Variants in CRB1 observed in about 807,000 individuals in gnomAD.
CRB1 encodes protein crumbs homolog 1.
Under a neutral mutation model 120.0 loss-of-function variants are expected in CRB1, and 83 were observed. That is an observed-to-expected ratio of 0.69 (90% CI 0.58 to 0.83). The LOEUF (loss-of-function observed/expected upper bound fraction) is 0.83, where lower values mean the gene tolerates loss of function less well. CRB1 is among the 40% of genes least tolerant of loss of function. The pLI is 0.00. For synonymous variants in CRB1, 625 were observed against 612.5 expected (o/e 1.02, Z -0.30); for missense variants, 1,699 against 1,687.6 (o/e 1.01, Z -0.12).
intron 6 of CRB1, among the ~76,000 whole-genome samples, chr1:197,422,593 G>A (rs999294762): frequency 2.0e-5 from 3 of 151,842 alleles, no homozygotes; most frequent in African/African-American, 7.3e-5. Flanking sequence ...AGTAGAACTT[G>A]GTAGATGCCA....
intron 1 of CRB1, among the ~76,000 whole-genome samples, chr1:197,294,048 C>A (rs1656363460): frequency 6.6e-6 from 1 of 152,032 alleles, no homozygotes. Context: ...GCAACAAAAG[C>A]CAAAATTGAC....
chr1:197,376,831 T>C (rs188237560), intron 5 of CRB1, among the ~76,000 whole-genome samples: 121 of 152,292 alleles, frequency 7.9e-4, no homozygotes, highest in African/African-American at 2.7e-3. Flanking sequence ...AAACTTGTAC[T>C]CCTTAACATA....
the CRB1 span, among the ~76,000 whole-genome samples, chr1:197,247,046 C>A: frequency 6.6e-6 from 1 of 151,964 alleles, no homozygotes; most frequent in Non-Finnish European, 1.5e-5. Context: ...ATAAGTAAAT[C>A]CTCATACTGT....
intron 5 of CRB1, among the ~76,000 whole-genome samples, chr1:197,359,256 C>A (rs921134458): frequency 6.6e-6 from 1 of 152,200 alleles, no homozygotes; most frequent in Non-Finnish European, 1.5e-5. Context: ...TTATCCCTGG[C>A]AAATACTAAT....
At chr1:197,348,736 A>G (rs1659921307) in intron 4 of CRB1, among the ~76,000 whole-genome samples, 1 of 152,146 alleles carries the variant, frequency 6.6e-6, no homozygotes, top group African/African-American at 2.4e-5. Flanking sequence ...TCAGCCTCCC[A>G]AAGTGCTGGG....
At chr1:197,233,310 C>T in the CRB1 span, among the ~76,000 whole-genome samples, 3 of 152,122 alleles carry the variant, frequency 2.0e-5, no homozygotes, top group Admixed American at 2.0e-4. Flanking sequence ...AAGTAGTTGC[C>T]CTAATTGCAA....
chr1:197,232,460 A>G, the CRB1 span, among the ~76,000 whole-genome samples: 7 of 152,176 alleles, frequency 4.6e-5, no homozygotes, highest in Admixed American at 6.5e-5. Flanking sequence ...TTTGAGTGGT[A>G]GTCAGCAGAT....
chr1:197,256,439 A>G, the CRB1 span, among the ~76,000 whole-genome samples: 1 of 152,092 alleles, frequency 6.6e-6, no homozygotes, highest in Non-Finnish European at 1.5e-5. Flanking sequence ...GTCAATTTAT[A>G]TATGTAACTC....
the CRB1 span, among the ~76,000 whole-genome samples, chr1:197,224,442 T>C: frequency 6.6e-6 from 1 of 152,140 alleles, no homozygotes; most frequent in Non-Finnish European, 1.5e-5. Context: ...ACAGTTCCTT[T>C]AATGAGTATA....
chr1:197,342,000 G>A (rs1659493141), intron 2 of CRB1, among the ~76,000 whole-genome samples: 1 of 152,196 alleles, frequency 6.6e-6, no homozygotes, highest in Admixed American at 6.5e-5. Context: ...GAGGTATATG[G>A]TAGGTTTGAG....
chr1:197,381,194 T>C (rs1558095818), intron 5 of CRB1, among the ~76,000 whole-genome samples: 1 of 152,346 alleles, frequency 6.6e-6, no homozygotes, highest in East Asian at 1.9e-4. Flanking sequence ...CATTCTGGTT[T>C]ACTCTCATTC....
chr1:197,222,794 C>T, the CRB1 span: 4 of 1,369,912 alleles, frequency 2.9e-6, no homozygotes, highest in African/African-American at 1.4e-5. Flanking sequence ...ATATTTCAAG[C>T]TTGGTGTCTT....
chr1:197,274,504 T>C (rs1655087090), intron 1 of CRB1, among the ~76,000 whole-genome samples: 1 of 152,198 alleles, frequency 6.6e-6, no homozygotes, highest in South Asian at 2.1e-4. Context: ...TGACTCTTTG[T>C]ACTGTAAAAT....
chr1:197,325,657 T>C (rs1323515415), intron 1 of CRB1, among the ~76,000 whole-genome samples: 1 of 152,172 alleles, frequency 6.6e-6, no homozygotes, highest in African/African-American at 2.4e-5. Flanking sequence ...TGACATATTC[T>C]TTTCCTATCC....
chr1:197,372,463 T>C (rs967257504), intron 5 of CRB1, among the ~76,000 whole-genome samples: 1 of 152,240 alleles, frequency 6.6e-6, no homozygotes, highest in Non-Finnish European at 1.5e-5. Flanking sequence ...TCAGAATTTC[T>C]GGTTAAAATT....
intron 7 of CRB1, chr1:197,428,953 A>T: frequency 1.3e-6 from 2 of 1,524,714 alleles, no homozygotes; most frequent in Non-Finnish European, 1.8e-6. Context: ...CTCAAATAAT[A>T]ATACTATGTC....
chr1:197,356,707 C>T, intron 4 of CRB1, 124 bp from the exon 5 acceptor site: 1 of 899,930 alleles, frequency 1.1e-6, no homozygotes, highest in Non-Finnish European at 1.8e-6. Context: ...CTTACCAGCT[C>T]CTTGAGGGCA....
the CRB1 span, among the ~76,000 whole-genome samples, chr1:197,215,874 A>G: frequency 8.2e-4 from 125 of 152,352 alleles, no homozygotes; most frequent in African/African-American, 2.8e-3. Flanking sequence ...CATCATTTAT[A>G]TCAATGACAT....
the CRB1 span, among the ~76,000 whole-genome samples, chr1:197,211,305 C>A: frequency 6.6e-6 from 1 of 152,240 alleles, no homozygotes; most frequent in East Asian, 1.9e-4. Context: ...AACAGACTTC[C>A]GAGAAATTAA....
Sources: allele counts gnomAD v4.1 joint callset (sites outside exome capture counted in the v4.1 genomes callset), GRCh38; gene constraint gnomAD v4.1.1; transcripts MANE v1.5; gene names NCBI Gene and HGNC (gene_info 2026-07-23, HGNC 2026-07-21).